Variants in TRPC1 observed in about 807,000 individuals in gnomAD.
TRPC1 encodes transient receptor potential cation channel subfamily C member 1.
TRPC1 carries 42 observed loss-of-function variants against 88.2 expected under a neutral mutation model. That is an observed-to-expected ratio of 0.48 (90% CI 0.37 to 0.62). TRPC1 has a LOEUF of 0.62. Ranked by LOEUF, TRPC1 falls within the 20% of genes least tolerant of loss-of-function variation. TRPC1 has a pLI of 0.00. For synonymous variants in TRPC1, 288 were observed against 331.8 expected (o/e 0.87, Z 1.43); for missense variants, 699 against 957.3 (o/e 0.73, Z 3.56).
chr3:142,731,934 T>C (rs868217574), intron 1 of TRPC1, among the ~76,000 whole-genome samples: 3 of 152,334 alleles, frequency 2.0e-5, no homozygotes, highest in African/African-American at 4.8e-5. Context: ...ACACATCCAC[T>C]ATCATTTGTT....
At position 142,767,797 on chromosome 3, in the gene TRPC1, C is replaced by T. The variant is rs922553579; in HGVS notation, c.633-9835C>T. ...TGTTCTGGATATTTCATATGAATGA[C>T]ATCTTTTGCTTAATGGATATCTGCA... On this transcript the variant is annotated intron_variant, in intron 4 of 12. Transcript: ENST00000476941. The surrounding 1 kb of genome is among the most constrained non-coding windows in gnomAD (Gnocchi z 5.1). Among the ~76,000 whole-genome samples the T allele has an allele frequency of 6.6e-6, 1 of 151,676 alleles. No homozygotes were observed. Among genetic ancestry groups the T allele is most frequent in the Non-Finnish European group, 1.5e-5 (1 of 67,862 alleles).
chr3:142,750,600 A>C (rs1289649949), intron 4 of TRPC1, among the ~76,000 whole-genome samples: 2 of 152,262 alleles, frequency 1.3e-5, no homozygotes, highest in African/African-American at 2.4e-5. Flanking sequence ...ATTTTACTAT[A>C]AAGACACATG....
intron 1 of TRPC1, among the ~76,000 whole-genome samples, chr3:142,732,348 G>T (rs1209105927): frequency 6.6e-6 from 1 of 152,022 alleles, no homozygotes; most frequent in Non-Finnish European, 1.5e-5. Flanking sequence ...GAGTTTTCTC[G>T]GGCAGGCATT....
intron 4 of TRPC1, among the ~76,000 whole-genome samples, chr3:142,757,059 TC>T: frequency 6.6e-6 from 1 of 152,200 alleles, no homozygotes. Flanking sequence ...AGGATTTCAT[TC>T]TTTTCAATGG....
In TRPC1 at chr3:142,791,111, T is replaced by A; in HGVS notation, c.1390T>A (p.Ser464Thr). 6.2e-7 allele frequency: 1 copy of A among 1,610,232 alleles called. No individual in the cohort carries two copies. The highest frequency in any genetic ancestry group is 8.5e-7 in the Non-Finnish European group (1 of 1,178,346). Residue 464 changes from serine to threonine, a missense_variant, in exon 8 of 13, where the codon TCT becomes ACT. Ser to Thr is a moderately conservative substitution (Grantham distance 58, BLOSUM62 1). Around this residue, in one of 4 missense-constraint regions of TRPC1, gnomAD observed 426 missense variants for 641.3 expected, o/e 0.66. Coordinates refer to ENST00000476941, the MANE Select transcript of TRPC1 (RefSeq NM_001251845.2). Reference protein sequence around the residue: ...SRNQLSFVMNSLYLATFALKV... With the variant: ...SRNQLSFVMNTLYLATFALKV... ...TAATCAACTCAGTTTTGTCATGAAT[T>A]CTCTTTATTTGGCAACCTTTGCCCT...
At chr3:142,750,331 T>A (rs1429881630) in intron 4 of TRPC1, among the ~76,000 whole-genome samples, 3 of 152,136 alleles carry the variant, frequency 2.0e-5, no homozygotes, top group Non-Finnish European at 4.4e-5. Context: ...TAATCACTGG[T>A]CATTAGAGAA....
chr3:142,801,885 A>G (rs368134126), intron 9 of TRPC1, among the ~76,000 whole-genome samples: 2 of 152,104 alleles, frequency 1.3e-5, no homozygotes, highest in Non-Finnish European at 2.9e-5. Context: ...TTAAATCTCC[A>G]TATCTCTGCC....
rs1435583868 is a variant in TRPC1, at chr3:142,724,037, G to C, written c.-523G>C. 1 of 147,100 alleles carries C rather than the reference G, an allele frequency of 6.8e-6. No homozygotes were observed. The highest frequency in any genetic ancestry group is 1.5e-5 in the Non-Finnish European group (1 of 67,566). 9.1% of individuals were successfully genotyped at this position (147,100 alleles called of 1,614,324 possible). A position where few individuals can be genotyped will look rare whatever the true frequency, so the allele number is the denominator to read the frequency against. On this transcript the variant is annotated 5_prime_UTR_variant, in exon 1 of 13. Transcript: ENST00000476941. This position sits in a 1 kb window ranked among gnomAD's most constrained non-coding sequence, Gnocchi z 5.6. ...CCGCAGGCTCCTCCCTAGTGTCGTC[G>C]CTACAGAGGAGCAGAGGATGACGTG...
intron 4 of TRPC1, among the ~76,000 whole-genome samples, chr3:142,764,150 A>G (rs1324210572): frequency 6.6e-6 from 1 of 150,666 alleles, no homozygotes; most frequent in African/African-American, 2.5e-5. Flanking sequence ...ATATATTTTT[A>G]TATTACCTAT....
At chr3:142,772,836 A>G (rs1202291756) in intron 4 of TRPC1, among the ~76,000 whole-genome samples, 1 of 152,168 alleles carries the variant, frequency 6.6e-6, no homozygotes, top group Non-Finnish European at 1.5e-5. Context: ...TTGGGAACCT[A>G]GAAGTCAGAA....
In TRPC1 at chr3:142,802,149, C is replaced by G; in HGVS notation, c.1582-20C>G. Reference sequence around the variant, plus strand: ...TTTTTCTGATAATCTTAATGAACACCTGTGTAATATATTCCACAGATTTCA... The same window carrying G: ...TTTTTCTGATAATCTTAATGAACACGTGTGTAATATATTCCACAGATTTCA... On this transcript the variant is annotated intron_variant, in intron 9 of 12. Coordinates refer to ENST00000476941, the MANE Select transcript of TRPC1 (RefSeq NM_001251845.2). 1 of 1,468,252 alleles carries G rather than the reference C, an allele frequency of 6.8e-7. No homozygotes were observed. Among genetic ancestry groups the G allele is most frequent in the Non-Finnish European group, 9.0e-7 (1 of 1,109,748 alleles). The allele number at this position is 1,468,252 out of a possible 1,614,324, so 91.0% of individuals were successfully genotyped here.
intron 4 of TRPC1, among the ~76,000 whole-genome samples, chr3:142,774,101 C>A (rs112409359): frequency 2.0e-4 from 31 of 152,220 alleles, no homozygotes; most frequent in African/African-American, 7.5e-4. Context: ...ATATGTCAGC[C>A]AAAGATTTGG....
At position 142,807,341 on chromosome 3, in the gene TRPC1, G is replaced by T. The variant is rs898996088; in HGVS notation, c.*1106G>T. On this transcript the variant is annotated 3_prime_UTR_variant, in exon 13 of 13. Transcript: ENST00000476941. The stretch of plus-strand genomic sequence containing the variant: ...TTGCTGCTTAAGATGAAAAGCATTG[G>T]TTTTTTAAAATTAGAGAATAAAATA... 1.3e-5 allele frequency: 2 copies of T among 152,112 alleles called. No individual in the cohort carries two copies. Among genetic ancestry groups the T allele is most frequent in the African/African-American group, 2.4e-5 (1 of 41,426 alleles). 9.4% of individuals were successfully genotyped at this position (152,112 alleles called of 1,614,324 possible). A position where few individuals can be genotyped will look rare whatever the true frequency, so the allele number is the denominator to read the frequency against.
At chr3:142,755,475 C>G (rs1560101411) in intron 4 of TRPC1, among the ~76,000 whole-genome samples, 1 of 152,144 alleles carries the variant, frequency 6.6e-6, no homozygotes, top group Non-Finnish European at 1.5e-5. Flanking sequence ...AGATTGGAAA[C>G]TAGTCTCATC....
intron 1 of TRPC1, among the ~76,000 whole-genome samples, chr3:142,732,216 T>C (rs1335789665): frequency 6.6e-6 from 1 of 152,028 alleles, no homozygotes; most frequent in East Asian, 1.9e-4. Context: ...TCCATGTGAA[T>C]CCCACCTGAG....
chr3:142,739,770 T>C (rs1336962662), intron 2 of TRPC1, among the ~76,000 whole-genome samples: 1 of 152,212 alleles, frequency 6.6e-6, no homozygotes, highest in Non-Finnish European at 1.5e-5. Flanking sequence ...CTATAGCCTA[T>C]GTCAATAGTT....
intron 10 of TRPC1, among the ~76,000 whole-genome samples, chr3:142,802,929 TTTAG>T (rs1233391031): frequency 1.3e-5 from 2 of 152,222 alleles, no homozygotes; most frequent in Admixed American, 6.5e-5. Context: ...TCAACTATTC[TTTAG>T]TTATTTTGTG....
chr3:142,772,970 C>T (rs900727019), intron 4 of TRPC1, among the ~76,000 whole-genome samples: 3 of 152,124 alleles, frequency 2.0e-5, no homozygotes, highest in African/African-American at 4.8e-5. Flanking sequence ...GTTTGCGTGC[C>T]TGTCTCCACA....
chr3:142,801,115 T>C (rs1936606393), intron 9 of TRPC1: 1 of 152,092 alleles, frequency 6.6e-6, no homozygotes, highest in Admixed American at 6.6e-5. Flanking sequence ...CATACTGTTT[T>C]ATACCCTGCT....
Sources: allele counts gnomAD v4.1 joint callset (sites outside exome capture counted in the v4.1 genomes callset), GRCh38; gene constraint gnomAD v4.1.1; regional missense constraint gnomAD v4.1.1; non-coding constraint Gnocchi (gnomAD v3.1); transcripts MANE v1.5; gene names NCBI Gene and HGNC (gene_info 2026-07-23, HGNC 2026-07-21).